PLXDC1: variants seen among roughly 807,000 people sequenced by gnomAD.
PLXDC1 encodes plexin domain containing 1, also known as plexin domain-containing protein 1.
PLXDC1 carries 39 observed loss-of-function variants against 61.3 expected under a neutral mutation model. That is an observed-to-expected ratio of 0.64 (90% CI 0.49 to 0.83). The LOEUF (loss-of-function observed/expected upper bound fraction) is 0.83. PLXDC1 is among the 40% of genes least tolerant of loss of function. The pLI is 0.00. For synonymous variants in PLXDC1, 212 were observed against 254.5 expected, an observed-to-expected ratio of 0.83 and a Z score of 1.59; for missense variants, 596 against 666.5, an observed-to-expected ratio of 0.89 and a Z score of 1.17.
chr17:39,118,821 G>A (rs1015748397), intron 2 of PLXDC1, among the ~76,000 whole-genome samples: 6 of 152,156 alleles, frequency 3.9e-5, no homozygotes, highest in South Asian at 2.1e-4. Flanking sequence ...ATCACCACCC[G>A]GGAGGGTGAA....
At chr17:39,102,907 A>G (rs935019747) in intron 7 of PLXDC1, among the ~76,000 whole-genome samples, 5 of 152,134 alleles carry the variant, frequency 3.3e-5, no homozygotes, top group African/African-American at 1.2e-4. Context: ...TGCATTTTAG[A>G]CCAGATACAC....
intron 1 of PLXDC1, among the ~76,000 whole-genome samples, chr17:39,147,895 A>G: frequency 6.6e-6 from 1 of 152,182 alleles, no homozygotes; most frequent in East Asian, 1.9e-4. Context: ...ATGGAGACAT[A>G]CAAAATGAAT....
At chr17:39,079,049 C>G in intron 10 of PLXDC1, 55 bp downstream of exon 10, 8 of 1,475,170 alleles carry the variant, frequency 5.4e-6, no homozygotes, top group Admixed American at 1.7e-5. Flanking sequence ...ACTGGCTGCC[C>G]TCCTGTTCCC....
intron 7 of PLXDC1, among the ~76,000 whole-genome samples, chr17:39,104,064 C>T (rs963550781): frequency 6.6e-6 from 1 of 152,134 alleles, no homozygotes; most frequent in Non-Finnish European, 1.5e-5. Context: ...GCACTGTTCG[C>T]TACAGAACAA....
At chr17:39,147,299 A>G (rs748712653) in intron 1 of PLXDC1, among the ~76,000 whole-genome samples, 2 of 152,074 alleles carry the variant, frequency 1.3e-5, no homozygotes, top group Non-Finnish European at 2.9e-5. Flanking sequence ...TTATTTCTTC[A>G]TGCACTCTTC....
At chr17:39,137,460 G>GT (rs1209713567) in intron 2 of PLXDC1, 1 of 152,216 alleles carries the variant, frequency 6.6e-6, no homozygotes, top group Admixed American at 6.5e-5. Context: ...GGAGGCTGAG[G>GT]TAGAAGAATC....
Position 39,098,877 on chromosome 17 carries a change from G to A in PLXDC1, c.811+6977C>T, listed in dbSNP as rs151267853. 5.3e-3 allele frequency among the ~76,000 whole-genome samples: 804 copies of A among 152,296 alleles called. 8 individuals are homozygous for A. Among genetic ancestry groups the A allele is most frequent in the African/African-American group, 0.018 (739 of 41,560 alleles). On this transcript the variant is annotated intron_variant, in intron 7 of 13. Transcript: ENST00000315392. ...GCTCCCCAGGCAGAGGGCGGTGAGC[G>A]GAGGGAGGGTTTGGAAATGCGCCTG...
At chr17:39,089,469 G>A (rs1021035178) in intron 7 of PLXDC1, among the ~76,000 whole-genome samples, 4 of 152,194 alleles carry the variant, frequency 2.6e-5, no homozygotes, top group African/African-American at 9.7e-5. Context: ...GGAAGTGCTG[G>A]TATGTTCTGG....
intron 7 of PLXDC1, among the ~76,000 whole-genome samples, chr17:39,105,610 T>G (rs1910563645): frequency 6.6e-6 from 1 of 152,178 alleles, no homozygotes; most frequent in South Asian, 2.1e-4. Flanking sequence ...GGAAGGGCTG[T>G]GGCTCCCTTT....
At position 39,067,677 on chromosome 17, in the gene PLXDC1, T is replaced by C. The variant is rs1037887093; in HGVS notation, c.*163A>G. 1.9e-5 allele frequency: 12 copies of C among 635,908 alleles called. No homozygotes were observed. The allele number at this position is 635,908 out of a possible 1,614,324, so 39.4% of individuals were successfully genotyped here. On this transcript the variant is annotated 3_prime_UTR_variant, in exon 14 of 14. Coordinates refer to ENST00000315392, the MANE Select transcript of PLXDC1 (RefSeq NM_020405.5). ...TTGTTTTTTGGCCCCCTCTTCAATA[T>C]TCGGGGTGTGCTGACGAAGCGAGCA...
At position 39,122,114 on chromosome 17, in the gene PLXDC1, G is replaced by T. The variant is rs867939459; in HGVS notation, c.256-12723C>A. Among the ~76,000 whole-genome samples, 54 of 76,052 alleles carry T rather than the reference G, an allele frequency of 7.1e-4. No homozygotes were observed. In the South Asian group the frequency reaches 8.3e-3, roughly 12 times the overall value. The allele number at this position is 76,052 out of a possible 152,430, so 49.9% of individuals were successfully genotyped here. ...TCTGTCAAAAAAAAAAAAAAAAAGGGGGGGGGGACTGGGTGCAGTGACTCA... is the reference window on the plus strand; with the variant it reads ...TCTGTCAAAAAAAAAAAAAAAAAGGTGGGGGGGACTGGGTGCAGTGACTCA... On this transcript the variant is annotated intron_variant, in intron 2 of 13. Transcript: ENST00000315392.
At chr17:39,127,943 C>CAAA (rs35444362) in intron 2 of PLXDC1, among the ~76,000 whole-genome samples, 126 of 52,780 alleles carry the variant, frequency 2.4e-3, no homozygotes, top group African/African-American at 2.8e-3. Flanking sequence ...CTCCATCTCA[C>CAAA]AAAAAAAAAA....
intron 2 of PLXDC1, among the ~76,000 whole-genome samples, chr17:39,118,257 T>G (rs1324104765): frequency 6.6e-6 from 1 of 151,818 alleles, no homozygotes; most frequent in Non-Finnish European, 1.5e-5. Flanking sequence ...CAGGCTGGAG[T>G]GCAATGGTGA....
chr17:39,097,510 A>C (rs1445345303), intron 7 of PLXDC1, among the ~76,000 whole-genome samples: 1 of 152,010 alleles, frequency 6.6e-6, no homozygotes, highest in Non-Finnish European at 1.5e-5. Context: ...GCTGTGGCCC[A>C]TTTTAAACCC....
chr17:39,068,577 T>C (rs555036012), intron 13 of PLXDC1, among the ~76,000 whole-genome samples: 123 of 152,298 alleles, frequency 8.1e-4, no homozygotes, highest in African/African-American at 2.7e-3. Flanking sequence ...CTCAGAAGGT[T>C]GAGGCACCAG....
At chr17:39,152,007 C>A (rs2045377178), upstream of PLXDC1, among the ~76,000 whole-genome samples, 1 of 152,174 alleles carries the variant, frequency 6.6e-6, no homozygotes, top group Non-Finnish European at 1.5e-5. Flanking sequence ...TCCCCGCCCC[C>A]AGCTCCTCCA....
chr17:39,127,169 C>G (rs1911335320), intron 2 of PLXDC1, among the ~76,000 whole-genome samples: 1 of 152,126 alleles, frequency 6.6e-6, no homozygotes, highest in South Asian at 2.1e-4. Flanking sequence ...TAGAACAACC[C>G]TATGAGAAAT....
intron 7 of PLXDC1, among the ~76,000 whole-genome samples, chr17:39,102,386 C>T (rs962114764): frequency 1.4e-4 from 22 of 152,246 alleles, no homozygotes; most frequent in African/African-American, 4.8e-4. Context: ...CTCCGTGGAA[C>T]CCACTTTGGC....
chr17:39,145,817 T>A (rs2045337820), intron 1 of PLXDC1, among the ~76,000 whole-genome samples: 1 of 152,092 alleles, frequency 6.6e-6, no homozygotes, highest in African/African-American at 2.4e-5. Flanking sequence ...ACTACAACAT[T>A]GGACAAATTA....
Sources: allele counts gnomAD v4.1 joint callset (sites outside exome capture counted in the v4.1 genomes callset), GRCh38; gene constraint gnomAD v4.1.1; transcripts MANE v1.5; gene names NCBI Gene and HGNC (gene_info 2026-07-23, HGNC 2026-07-21).